PRH1: variants seen among roughly 807,000 people sequenced by gnomAD.
PRH1 encodes the protein proline rich protein HaeIII subfamily 1, also known as salivary acidic proline-rich phosphoprotein 1/2.
In PRH1, 7 loss-of-function variants were observed where a neutral mutation model predicts 7.9. The ratio of observed to expected loss-of-function variants is 0.89; its 90% confidence interval spans 0.50 to 1.67. The LOEUF (loss-of-function observed/expected upper bound fraction) is 1.67. Among genes scored for constraint, PRH1 ranks in the 40% most tolerant of loss-of-function variants. PRH1 has a pLI of 0.00. For synonymous variants in PRH1, 45 were observed against 80.8 expected (o/e 0.56, Z 2.38); for missense variants, 109 against 223.6 (o/e 0.49, Z 3.27).
At chr12:11,143,704 T>C (rs924235309) in intron 1 of PRH1, among the ~76,000 whole-genome samples, 6 of 151,914 alleles carry the variant, frequency 3.9e-5, no homozygotes, top group Admixed American at 6.6e-5. Flanking sequence ...TTAGACAAAA[T>C]AGATTTCAAG....
At chr12:11,159,427 C>A (rs2290319) in intron 1 of PRH1, 43,382 of 149,362 alleles carry the variant, frequency 0.29, 8,123 homozygotes, top group East Asian at 0.74. Flanking sequence ...TTAATTAATG[C>A]CCAAAGAATA....
At chr12:11,027,659 A>T (rs1167256325) in intron 1 of PRH1, among the ~76,000 whole-genome samples, 1 of 152,216 alleles carries the variant, frequency 6.6e-6, no homozygotes, top group East Asian at 1.9e-4. Flanking sequence ...TGAGGGCTCT[A>T]CAGAAGATAT....
At chr12:11,133,511 A>G in intron 1 of PRH1, 1 of 1,607,476 alleles carries the variant, frequency 6.2e-7, no homozygotes, top group Non-Finnish European at 8.5e-7. Flanking sequence ...TGATATGATC[A>G]TGGACAGAAA....
Position 11,089,315 on chromosome 12 carries a change from A to G in PRH1, n.124-42127T>C, listed in dbSNP as rs563292688. Among the ~76,000 whole-genome samples the G allele has an allele frequency of 1.2e-4, 14 of 116,168 alleles. 4 individuals are homozygous for G. The allele number at this position is 116,168 out of a possible 152,430, so 76.2% of individuals were successfully genotyped here. A position where few individuals can be genotyped will look rare whatever the true frequency, so the allele number is the denominator to read the frequency against. On this transcript the variant is annotated intron_variant and non_coding_transcript_variant, in intron 1 of 4. Transcript: ENST00000541977. ...ATAGTTCTGCCTCAAGGAAACCCTG[A>G]CCAATAAGAAATAGAAGACTAATGA... is the stretch of plus-strand genomic sequence containing the variant.
intron 1 of PRH1, among the ~76,000 whole-genome samples, chr12:11,168,239 A>G (rs561156178): frequency 4.8e-4 from 7 of 14,588 alleles, no homozygotes; most frequent in East Asian, 2.3e-3. Flanking sequence ...AAAGAAAGAA[A>G]GAAAGAAAGA....
chr12:11,063,289 T>G (rs1943689078), intron 1 of PRH1, among the ~76,000 whole-genome samples: 1 of 152,136 alleles, frequency 6.6e-6, no homozygotes, highest in Admixed American at 6.6e-5. Flanking sequence ...AGTACAACCA[T>G]TTAACTTGCT....
chr12:11,131,710 A>G (rs754502565), intron 1 of PRH1, among the ~76,000 whole-genome samples: 19 of 152,100 alleles, frequency 1.2e-4, no homozygotes, highest in Admixed American at 7.9e-4. Context: ...TATTATTGTG[A>G]TATTTCCCCT....
intron 1 of PRH1, among the ~76,000 whole-genome samples, chr12:11,131,993 T>A (rs1054126901): frequency 2.6e-5 from 4 of 152,222 alleles, no homozygotes; most frequent in Admixed American, 6.5e-5. Context: ...TCTTTTATGG[T>A]TCTTACATTG....
chr12:10,965,280 C>A, intron 2 of PRH1: 1 of 1,437,726 alleles, frequency 7.0e-7, no homozygotes, highest in Non-Finnish European at 9.4e-7. Context: ...ACTATGAAGC[C>A]ATTAGCAAAA....
At chr12:10,980,671 C>T (rs1047384425) in intron 1 of PRH1, among the ~76,000 whole-genome samples, 10 of 152,266 alleles carry the variant, frequency 6.6e-5, no homozygotes, top group South Asian at 2.1e-4. Context: ...ACCAACAAAA[C>T]AAGCCCGATT....
chr12:11,028,166 G>T (rs1379695241), intron 1 of PRH1, among the ~76,000 whole-genome samples: 1 of 152,190 alleles, frequency 6.6e-6, no homozygotes, highest in African/African-American at 2.4e-5. Context: ...TGACTTTCAT[G>T]ACCACCACCA....
rs767624091 is a variant in PRH1 at position 11,073,071 on chromosome 12, C to T, written n.124-25883G>A. Among the ~76,000 whole-genome samples, 13 of 121,248 alleles carry T rather than the reference C, an allele frequency of 1.1e-4. 2 individuals carry two copies. The highest frequency in any genetic ancestry group is 2.5e-4 in the African/African-American group (9 of 36,150). 79.5% of individuals were successfully genotyped at this position (121,248 alleles called of 152,430 possible). A position where few individuals can be genotyped will look rare whatever the true frequency, so the allele number is the denominator to read the frequency against. Reference sequence around the variant, plus strand: ...CCTGATAATATTTGGAAACCTGCAACATAGATATTGTTTTTAAGGTCTCAT... The same window carrying T: ...CCTGATAATATTTGGAAACCTGCAATATAGATATTGTTTTTAAGGTCTCAT... On this transcript the variant is annotated intron_variant and non_coding_transcript_variant, in intron 1 of 4. Transcript: ENST00000541977.
intron 1 of PRH1, among the ~76,000 whole-genome samples, chr12:11,145,058 T>A (rs891488357): frequency 2.0e-5 from 3 of 152,202 alleles, no homozygotes; most frequent in Non-Finnish European, 4.4e-5. Context: ...AATACAAGCA[T>A]CCACATGCTG....
intron 2 of PRH1, among the ~76,000 whole-genome samples, chr12:10,936,884 G>A (rs1459774186): frequency 1.3e-5 from 2 of 152,058 alleles, no homozygotes; most frequent in Non-Finnish European, 2.9e-5. Flanking sequence ...GTCCATAACA[G>A]TCTTTCTGAA....
At chr12:10,926,434 G>A (rs977918791) in intron 2 of PRH1, among the ~76,000 whole-genome samples, 3 of 152,266 alleles carry the variant, frequency 2.0e-5, no homozygotes, top group African/African-American at 7.2e-5. Context: ...CTTCAAAAAA[G>A]ATTTAGTCAT....
chr12:10,994,194 C>T (rs1390470665), intron 1 of PRH1, among the ~76,000 whole-genome samples: 1 of 152,208 alleles, frequency 6.6e-6, no homozygotes, highest in African/African-American at 2.4e-5. Context: ...CCCACATCAC[C>T]CTTCCATTTG....
At chr12:10,962,120 C>G (rs1039986827) in intron 2 of PRH1, among the ~76,000 whole-genome samples, 1 of 152,122 alleles carries the variant, frequency 6.6e-6, no homozygotes, top group Non-Finnish European at 1.5e-5. Flanking sequence ...TAGTTCTAGA[C>G]CTCCAAAGCT....
At chr12:10,884,048 C>T in intron 1 of PRH1, 106 bp downstream of exon 1, 17 of 1,350,822 alleles carry the variant, frequency 1.3e-5, no homozygotes, top group Non-Finnish European at 1.8e-5. Flanking sequence ...ACTCTGCAGT[C>T]CCATCTGTTT....
chr12:11,147,297 C>T (rs902268200), intron 1 of PRH1, among the ~76,000 whole-genome samples: 1 of 152,104 alleles, frequency 6.6e-6, no homozygotes, highest in African/African-American at 2.4e-5. Context: ...ATCAGATCCT[C>T]CCACCTCAGC....
Sources: allele counts gnomAD v4.1 joint callset (sites outside exome capture counted in the v4.1 genomes callset), GRCh38; gene constraint gnomAD v4.1.1; transcripts MANE v1.5; gene names NCBI Gene and HGNC (gene_info 2026-07-23, HGNC 2026-07-21).